The following ADIPOR2 variants were observed in gnomAD, a reference collection of about 807,000 sequenced individuals.
The protein encoded by ADIPOR2 is adiponectin receptor protein 2.
ADIPOR2 carries 18 observed loss-of-function variants against 40.9 expected under a neutral mutation model. The ratio of observed to expected loss-of-function variants is 0.44; its 90% CI spans 0.30 to 0.65. The LOEUF (loss-of-function observed/expected upper bound fraction) is 0.65. Ranked by LOEUF, ADIPOR2 falls within the 30% of genes least tolerant of loss-of-function variation. The probability of loss-of-function intolerance (pLI) is 0.09; values close to 1 mark genes in which losing one functional copy is unlikely to be tolerated. For synonymous variants in ADIPOR2, 165 were observed against 166.4 expected (o/e 0.99, Z 0.06); for missense variants, 283 against 479.2 (o/e 0.59, Z 3.82).
intron 2 of ADIPOR2, among the ~76,000 whole-genome samples, chr12:1,769,029 A>G (rs1240844728): frequency 6.6e-6 from 1 of 152,230 alleles, no homozygotes; most frequent in Non-Finnish European, 1.5e-5. Context: ...GTATGACAAC[A>G]GAAGCAGAAC....
intron 1 of ADIPOR2, among the ~76,000 whole-genome samples, chr12:1,695,115 A>G (rs766067538): frequency 3.3e-5 from 5 of 150,678 alleles, no homozygotes; most frequent in Non-Finnish European, 5.9e-5. Flanking sequence ...TCCCGGGCTC[A>G]AGCGATCCTC....
At chr12:1,739,908 C>T (rs1422437158) in intron 1 of ADIPOR2, among the ~76,000 whole-genome samples, 1 of 152,174 alleles carries the variant, frequency 6.6e-6, no homozygotes, top group Non-Finnish European at 1.5e-5. Context: ...CGAGACCAGC[C>T]TGGCCAACAT....
chr12:1,749,005 G>T (rs753108101), intron 1 of ADIPOR2, among the ~76,000 whole-genome samples: 1 of 152,178 alleles, frequency 6.6e-6, no homozygotes, highest in Non-Finnish European at 1.5e-5. Context: ...TGACCAACCA[G>T]CTTCAAGTTG....
rs1298418512 is a variant in ADIPOR2, at chr12:1,787,499, C to T, written c.*1427C>T. The T allele has an allele frequency of 6.6e-6, 1 of 152,188 alleles. No homozygotes were observed. Among genetic ancestry groups the T allele is most frequent in the Non-Finnish European group, 1.5e-5 (1 of 68,036 alleles). 9.4% of individuals were successfully genotyped at this position (152,188 alleles called of 1,614,324 possible). On this transcript the variant is annotated 3_prime_UTR_variant, in exon 8 of 8. Coordinates refer to ENST00000357103, the MANE Select transcript of ADIPOR2 (RefSeq NM_024551.3). ...TATTGCCAGGGAGTGAGGTACAAGA[C>T]GATGGCTCATGTCACAGGCCTACCT...
intron 1 of ADIPOR2, among the ~76,000 whole-genome samples, chr12:1,714,188 G>A (rs1019846561): frequency 3.9e-5 from 6 of 152,104 alleles, no homozygotes; most frequent in African/African-American, 1.5e-4. Context: ...AAGCCTAACC[G>A]GGTGATTGGC....
At chr12:1,769,325 C>T (rs1862449100) in intron 2 of ADIPOR2, among the ~76,000 whole-genome samples, 1 of 152,156 alleles carries the variant, frequency 6.6e-6, no homozygotes, top group Admixed American at 6.5e-5. Flanking sequence ...CCTACTTTAT[C>T]CTCTCTCTAA....
chr12:1,758,125 A>G (rs1270470559), intron 2 of ADIPOR2: 1 of 470,606 alleles, frequency 2.1e-6, no homozygotes. Flanking sequence ...GTAATACTAT[A>G]TATTTTTGTT....
intron 1 of ADIPOR2, among the ~76,000 whole-genome samples, chr12:1,712,442 A>C (rs7978818): frequency 0.34 from 52,145 of 151,976 alleles, 9,518 homozygotes; most frequent in East Asian, 0.5. Context: ...AGCCTCTGAT[A>C]TAAGACGGCC....
chr12:1,736,308 C>T (rs908012917), intron 1 of ADIPOR2, among the ~76,000 whole-genome samples: 3 of 152,150 alleles, frequency 2.0e-5, no homozygotes, highest in African/African-American at 7.2e-5. Flanking sequence ...CAACTTCTTC[C>T]TGGTTTAGTC....
intron 2 of ADIPOR2, among the ~76,000 whole-genome samples, chr12:1,766,690 C>T (rs1314888437): frequency 6.6e-6 from 1 of 152,122 alleles, no homozygotes; most frequent in Non-Finnish European, 1.5e-5. Flanking sequence ...TTTATGGCTC[C>T]CCTCTGCCTC....
chr12:1,693,357 A>T (rs2094631294), intron 1 of ADIPOR2, among the ~76,000 whole-genome samples: 1 of 152,142 alleles, frequency 6.6e-6, no homozygotes, highest in Admixed American at 6.5e-5. Context: ...AATGATACAT[A>T]GTCAATGTTG....
chr12:1,708,143 GAT>G (rs2094667455), intron 1 of ADIPOR2, among the ~76,000 whole-genome samples: 1 of 149,248 alleles, frequency 6.7e-6, no homozygotes, highest in African/African-American at 2.4e-5. Flanking sequence ...ATAATCTAGA[GAT>G]TGATTTAAAG....
chr12:1,719,884 C>T (rs1349890995), intron 1 of ADIPOR2, among the ~76,000 whole-genome samples: 2 of 152,032 alleles, frequency 1.3e-5, no homozygotes, highest in Non-Finnish European at 2.9e-5. Context: ...ACCATGTTGG[C>T]CAGGCTGGTC....
Position 1,786,597 on chromosome 12 carries a change from CAT to C in ADIPOR2, c.*527_*528del, listed in dbSNP as rs762405880. On this transcript the variant is annotated 3_prime_UTR_variant, in exon 8 of 8. Coordinates refer to ENST00000357103, the MANE Select transcript of ADIPOR2 (RefSeq NM_024551.3). ...TAAGACTTTATATAAATGTTTAAAA[CAT>C]AGGGGTAAGGGAGGGAGGGAGAATT... 6.5e-5 allele frequency: 10 copies of C among 153,224 alleles called. No individual in the cohort carries two copies. The highest frequency in any genetic ancestry group is 2.2e-4 in the African/African-American group (9 of 41,498). 9.5% of individuals were successfully genotyped at this position (153,224 alleles called of 1,614,324 possible).
intron 1 of ADIPOR2, among the ~76,000 whole-genome samples, chr12:1,708,600 G>T (rs1280510435): frequency 6.6e-6 from 1 of 152,038 alleles, no homozygotes; most frequent in Non-Finnish European, 1.5e-5. Flanking sequence ...ATATCCAGTT[G>T]TTCAAGCACC....
At chr12:1,754,717 C>CTACTAT (rs548449938) in intron 2 of ADIPOR2, among the ~76,000 whole-genome samples, 2,120 of 79,020 alleles carry the variant, frequency 0.027, 21 homozygotes, top group Middle Eastern at 0.12. Flanking sequence ...ACTACTACTA[C>CTACTAT]TACTACTACT....
chr12:1,776,274 A>G (rs145603937), intron 3 of ADIPOR2, among the ~76,000 whole-genome samples: 3,085 of 152,348 alleles, frequency 0.02, 39 homozygotes, highest in Middle Eastern at 0.082. Flanking sequence ...AGCAAAAGGA[A>G]TGGGCACAGT....
At chr12:1,764,436 A>G (rs1378442902) in intron 2 of ADIPOR2, among the ~76,000 whole-genome samples, 1 of 152,128 alleles carries the variant, frequency 6.6e-6, no homozygotes, top group African/African-American at 2.4e-5. Flanking sequence ...GGAAAAAAGC[A>G]GGGTTTTGTA....
intron 1 of ADIPOR2, among the ~76,000 whole-genome samples, chr12:1,742,850 G>C (rs922152975): frequency 3.3e-5 from 5 of 152,194 alleles, no homozygotes; most frequent in African/African-American, 1.2e-4. Flanking sequence ...ATAGAGGGCT[G>C]ACTGAATACA....
Sources: gnomAD v4.1 joint callset for allele counts (sites outside exome capture counted in the v4.1 genomes callset) on GRCh38, gnomAD v4.1.1 for gene constraint, MANE v1.5 for transcripts, NCBI Gene and HGNC (gene_info 2026-07-23, HGNC 2026-07-21) for gene names.